DIAPH2: variants seen among roughly 807,000 people sequenced by gnomAD.
The protein encoded by DIAPH2 is protein diaphanous homolog 2.
DIAPH2 carries 35 observed loss-of-function variants against 92.7 expected under a neutral mutation model. The observed-to-expected ratio is 0.38, with a 90% CI of 0.29 to 0.50. DIAPH2 has a LOEUF of 0.50. Among genes scored for constraint, DIAPH2 ranks in the 20% least tolerant of loss-of-function variants. DIAPH2 has a pLI of 0.94. For missense variants in DIAPH2, 701 were observed against 819.5 expected (o/e 0.86, Z 1.77); for synonymous variants, 301 against 280.4 (o/e 1.07, Z -0.73).
intron 4 of DIAPH2, among the ~76,000 whole-genome samples, chrX:96,873,309 T>A (rs2065156236): frequency 8.9e-6 from 1 of 111,816 alleles, no homozygotes; most frequent in Non-Finnish European, 1.9e-5. Flanking sequence ...TTGCTTGAGC[T>A]CCTTAAATAT....
intron 17 of DIAPH2, among the ~76,000 whole-genome samples, chrX:97,059,450 A>G (rs1167238521): frequency 9.0e-6 from 1 of 111,221 alleles, no homozygotes; most frequent in Non-Finnish European, 1.9e-5. Context: ...AGCTAGATAT[A>G]TAGTTGACCC....
intron 25 of DIAPH2, among the ~76,000 whole-genome samples, chrX:97,422,086 A>T (rs1263048560): frequency 8.9e-6 from 1 of 111,798 alleles, no homozygotes; most frequent in Non-Finnish European, 1.9e-5. Flanking sequence ...AGAATTTTCT[A>T]GAGAGTTGGA....
intron 26 of DIAPH2, among the ~76,000 whole-genome samples, chrX:97,469,177 CA>C (rs2070540495): frequency 9.0e-6 from 1 of 111,325 alleles, no homozygotes; most frequent in Non-Finnish European, 1.9e-5. Flanking sequence ...TCCATTAGGA[CA>C]AACATTATGA....
rs181579536 is a variant in DIAPH2 at position 97,294,862 on chromosome X, G to A, written c.2844+47023G>A. ...ACTACTTGATCTTGCTTTTGTGTAC[G>A]AAACACTTCATCTGCTTTTATAATT... On this transcript the variant is annotated intron_variant, in intron 23 of 26. Transcript: ENST00000324765. 1.1e-4 allele frequency among the ~76,000 whole-genome samples: 12 copies of A among 111,444 alleles called. No homozygotes were observed. In the East Asian group the frequency reaches 1.4e-3, roughly 13 times the overall value.
rs753601122 is a variant in DIAPH2 at position 97,383,946 on chromosome X, A to G, written c.3047A>G (p.Glu1016Gly). 14 of 1,205,197 alleles carry G rather than the reference A, an allele frequency of 1.2e-5. No homozygotes were observed. Among genetic ancestry groups the G allele is most frequent in the Non-Finnish European group, 1.6e-5 (14 of 892,164 alleles). The change falls in exon 25 of 27, where the codon GAA (glutamate) becomes GGA (glycine). Residue 1016 changes from glutamate to glycine, a missense_variant. Physicochemically the swap from Glu to Gly is moderately conservative, Grantham distance 98 (BLOSUM62 -2). Transcript: ENST00000324765. ...GAAAACAATAAGAGAAGAGAAATGGAAGAGAAGACCAGGAGGGCAAAACTT... is the reference window on the plus strand; with the variant it reads ...GAAAACAATAAGAGAAGAGAAATGGGAGAGAAGACCAGGAGGGCAAAACTT... ...VRENNKRREMEEKTRRAKLAK... is the reference protein window; with the variant it reads ...VRENNKRREMGEKTRRAKLAK...
intron 26 of DIAPH2, among the ~76,000 whole-genome samples, chrX:97,530,466 C>T (rs759270230): frequency 8.9e-6 from 1 of 111,879 alleles, no homozygotes; most frequent in African/African-American, 3.2e-5. Context: ...AAGACTGCAA[C>T]TTCACCTATT....
intron 25 of DIAPH2, among the ~76,000 whole-genome samples, chrX:97,421,302 G>C (rs769065315): frequency 1.3e-4 from 14 of 111,884 alleles, no homozygotes; most frequent in Non-Finnish European, 2.4e-4. Flanking sequence ...GTTAAATTCT[G>C]AGAGTTATTT....
At chrX:97,570,127 A>ATAGATAGAT (rs1556243082) in intron 26 of DIAPH2, among the ~76,000 whole-genome samples, 9 of 27,324 alleles carry the variant, frequency 3.3e-4, no homozygotes, top group African/African-American at 1.2e-3. Flanking sequence ...TATATATTAG[A>ATAGATAGAT]AGATAGATAG....
intron 4 of DIAPH2, chrX:96,763,088 C>A: frequency 2.1e-6 from 2 of 961,478 alleles, no homozygotes; most frequent in African/African-American, 2.0e-5. Flanking sequence ...CTTCGTTGAC[C>A]ACTGCATGCA....
intron 24 of DIAPH2, among the ~76,000 whole-genome samples, 191 bp downstream of exon 24, chrX:97,348,471 A>G (rs1324004709): frequency 3.6e-5 from 4 of 112,017 alleles, no homozygotes; most frequent in Non-Finnish European, 7.5e-5. Flanking sequence ...GCTTAACATA[A>G]TGTGGACCTA....
intron 23 of DIAPH2, among the ~76,000 whole-genome samples, chrX:97,340,702 C>A (rs2069106036): frequency 9.8e-6 from 1 of 102,117 alleles, no homozygotes; most frequent in African/African-American, 3.6e-5. Context: ...GTCGCTCAGG[C>A]TGGAGTGCAG....
intron 4 of DIAPH2, among the ~76,000 whole-genome samples, chrX:96,840,196 A>T (rs546605664): frequency 8.0e-5 from 9 of 112,122 alleles, no homozygotes; most frequent in Middle Eastern, 4.6e-3. Context: ...ATTGGTTGCC[A>T]CATGTGACTA....
At chrX:97,326,193 A>G (rs1217795081) in intron 23 of DIAPH2, among the ~76,000 whole-genome samples, 1 of 112,358 alleles carries the variant, frequency 8.9e-6, no homozygotes, top group East Asian at 2.8e-4. Flanking sequence ...CATTGACTGA[A>G]GGAACAAAAG....
chrX:97,159,961 CACTG>C (rs983418951), intron 22 of DIAPH2, among the ~76,000 whole-genome samples: 1 of 111,070 alleles, frequency 9.0e-6, no homozygotes, highest in African/African-American at 3.3e-5. Context: ...CAGACCAATA[CACTG>C]ACTGCAGGGT....
At chrX:97,114,506 G>A (rs760365233) in intron 20 of DIAPH2, among the ~76,000 whole-genome samples, 1 of 111,947 alleles carries the variant, frequency 8.9e-6, no homozygotes, top group South Asian at 3.7e-4. Flanking sequence ...AATGCCATAA[G>A]GATGATTTAT....
chrX:97,428,066 A>G (rs2070088353), intron 25 of DIAPH2, among the ~76,000 whole-genome samples: 2 of 110,976 alleles, frequency 1.8e-5, no homozygotes, highest in Admixed American at 1.9e-4. Flanking sequence ...TGTTTTCACC[A>G]AATATTAGAC....
At chrX:97,560,391 G>A (rs1036249437) in intron 26 of DIAPH2, among the ~76,000 whole-genome samples, 3 of 112,223 alleles carry the variant, frequency 2.7e-5, no homozygotes, top group East Asian at 2.8e-4. Context: ...GGCTACTACC[G>A]TATACCCCTC....
intron 22 of DIAPH2, among the ~76,000 whole-genome samples, chrX:97,225,657 A>G (rs2067959292): frequency 9.0e-6 from 1 of 111,474 alleles, no homozygotes; most frequent in South Asian, 3.7e-4. Context: ...TCTCCTTTCT[A>G]CAACATAGAA....
rs867762210 is a variant in DIAPH2, at chrX:96,775,393, A to G, written c.447+17135A>G. ...TGTGTGTGTGTGTGTGTGTGTGTGTATACTTCCTCAGTTTTGGTGGTGCCT... is the reference window on the plus strand; with the variant it reads ...TGTGTGTGTGTGTGTGTGTGTGTGTGTACTTCCTCAGTTTTGGTGGTGCCT... On this transcript the variant is annotated intron_variant, in intron 4 of 26. Coordinates refer to ENST00000324765, the MANE Select transcript of DIAPH2 (RefSeq NM_006729.5). Among the ~76,000 whole-genome samples the G allele has an allele frequency of 2.4e-3, 122 of 51,416 alleles. 4 individuals carry two copies. The East Asian group carries it at 0.046, about 20-fold the overall frequency. The allele number at this position is 51,416 out of a possible 115,157, so 44.6% of individuals were successfully genotyped here.
Sources: allele counts gnomAD v4.1 joint callset (sites outside exome capture counted in the v4.1 genomes callset), GRCh38; gene constraint gnomAD v4.1.1; transcripts MANE v1.5; gene names NCBI Gene and HGNC (gene_info 2026-07-23, HGNC 2026-07-21).